SGCZ: variants seen among roughly 807,000 people sequenced by gnomAD.
SGCZ encodes the protein zeta-sarcoglycan.
In SGCZ, 40 loss-of-function variants were observed where a neutral mutation model predicts 41.3. The ratio of observed to expected loss-of-function variants is 0.97; its 90% CI spans 0.75 to 1.26. The LOEUF is 1.26. Ranked by LOEUF, SGCZ falls within the 50% of genes most tolerant of loss-of-function variation. SGCZ has a pLI of 0.00. For synonymous variants in SGCZ, 206 were observed against 137.5 expected (o/e 1.50, Z -3.49); for missense variants, 552 against 369.8 (o/e 1.49, Z -4.04).
chr8:14,915,770 G>A (rs1352586000), intron 1 of SGCZ, among the ~76,000 whole-genome samples: 1 of 152,002 alleles, frequency 6.6e-6, no homozygotes, highest in Non-Finnish European at 1.5e-5. Context: ...TTTTTTGGAG[G>A]TGTCTCTCTG....
intron 1 of SGCZ, among the ~76,000 whole-genome samples, chr8:14,778,896 G>C (rs937861805): frequency 6.6e-6 from 1 of 152,126 alleles, no homozygotes; most frequent in African/African-American, 2.4e-5. Context: ...ATCGCCATTC[G>C]TGAAAACACA....
chr8:14,128,814 AT>A (rs977945774), intron 5 of SGCZ, among the ~76,000 whole-genome samples: 19 of 152,280 alleles, frequency 1.2e-4, no homozygotes, highest in African/African-American at 4.1e-4. Flanking sequence ...ACTGAAGGTG[AT>A]CATCATAAAT....
At chr8:14,278,625 C>T (rs542168171) in intron 3 of SGCZ, among the ~76,000 whole-genome samples, 26 of 152,224 alleles carry the variant, frequency 1.7e-4, no homozygotes, top group Non-Finnish European at 3.4e-4. Flanking sequence ...TATATATTCT[C>T]TATATTGCTA....
chr8:15,033,714 C>T (rs944891985), intron 1 of SGCZ, among the ~76,000 whole-genome samples: 7 of 151,996 alleles, frequency 4.6e-5, no homozygotes, highest in Admixed American at 2.0e-4. Context: ...CTGCAGACTC[C>T]AACTTAAGGC....
At chr8:14,389,015 A>C (rs1489223812) in intron 2 of SGCZ, among the ~76,000 whole-genome samples, 4 of 152,004 alleles carry the variant, frequency 2.6e-5, no homozygotes, top group Non-Finnish European at 4.4e-5. Flanking sequence ...TATAAATAAA[A>C]GACACTATGA....
At chr8:14,465,747 C>A (rs543088251) in intron 2 of SGCZ, among the ~76,000 whole-genome samples, 1 of 151,852 alleles carries the variant, frequency 6.6e-6, no homozygotes, top group Admixed American at 6.6e-5. Context: ...ATCAGCTTAA[C>A]TTCAATAACG....
At chr8:14,733,940 G>T (rs1279395844) in intron 1 of SGCZ, among the ~76,000 whole-genome samples, 2 of 152,172 alleles carry the variant, frequency 1.3e-5, no homozygotes, top group Non-Finnish European at 2.9e-5. Flanking sequence ...TCAAAGCAAA[G>T]AATAAACCCA....
At chr8:14,121,541 A>G (rs1802696263) in intron 5 of SGCZ, among the ~76,000 whole-genome samples, 1 of 152,104 alleles carries the variant, frequency 6.6e-6, no homozygotes, top group South Asian at 2.1e-4. Context: ...TTTTTTTGGT[A>G]TTGCCGTTAT....
chr8:14,588,174 C>G (rs187356513), intron 1 of SGCZ, among the ~76,000 whole-genome samples: 1 of 142,000 alleles, frequency 7.0e-6, no homozygotes, highest in East Asian at 2.1e-4. Flanking sequence ...TAAAATTTTT[C>G]AGGAATAGCC....
At chr8:14,181,556 T>C (rs577132486) in intron 4 of SGCZ, among the ~76,000 whole-genome samples, 1 of 152,258 alleles carries the variant, frequency 6.6e-6, no homozygotes, top group South Asian at 2.1e-4. Flanking sequence ...CCCTGAATTG[T>C]AATAATCCCC....
At chr8:14,352,526 G>A (rs1803137814) in intron 2 of SGCZ, among the ~76,000 whole-genome samples, 2 of 152,060 alleles carry the variant, frequency 1.3e-5, no homozygotes, top group African/African-American at 2.4e-5. Flanking sequence ...TCAAATGACA[G>A]CACACTGAAT....
intron 1 of SGCZ, among the ~76,000 whole-genome samples, chr8:14,909,398 A>C (rs1284969200): frequency 6.6e-6 from 1 of 152,088 alleles, no homozygotes; most frequent in African/African-American, 2.4e-5. Context: ...TTCGTGTTTT[A>C]ACGTTACAAC....
intron 1 of SGCZ, among the ~76,000 whole-genome samples, chr8:15,131,803 G>A (rs530938088): frequency 6.6e-6 from 1 of 152,128 alleles, no homozygotes; most frequent in Non-Finnish European, 1.5e-5. Flanking sequence ...ACAGGGAATG[G>A]CTAAAAAAAC....
chr8:14,103,417 G>GACTT (rs1455517973), intron 6 of SGCZ, among the ~76,000 whole-genome samples: 1 of 152,106 alleles, frequency 6.6e-6, no homozygotes, highest in African/African-American at 2.4e-5. Flanking sequence ...CCTACCACAG[G>GACTT]ACTTTAAGAG....
In SGCZ at chr8:14,815,407, T is replaced by C. The variant is rs193038376; in HGVS notation, c.40-260481A>G. 2.5e-3 allele frequency among the ~76,000 whole-genome samples: 373 copies of C among 151,876 alleles called. 1 individual carries two copies. The highest frequency in any genetic ancestry group is 8.6e-3 in the African/African-American group (356 of 41,416). ...ATTTTTTTTTTTTGCATGTGGTTCA[T>C]AACTACTTACTTCAAAACAAAAGGG... On this transcript the variant is annotated intron_variant, in intron 1 of 7. Transcript: ENST00000382080.
intron 5 of SGCZ, chr8:14,161,255 T>C (rs1161800792): frequency 2.6e-5 from 4 of 152,248 alleles, no homozygotes; most frequent in Non-Finnish European, 5.9e-5. Flanking sequence ...CATGAAATTC[T>C]AAATTATATT....
At chr8:15,005,276 G>A (rs1366620730) in intron 1 of SGCZ, among the ~76,000 whole-genome samples, 13 of 151,202 alleles carry the variant, frequency 8.6e-5, no homozygotes, top group South Asian at 6.2e-4. Flanking sequence ...AACCCACATC[G>A]TCTGTTTCCG....
At chr8:14,878,130 A>C (rs1281337290) in intron 1 of SGCZ, among the ~76,000 whole-genome samples, 2 of 151,686 alleles carry the variant, frequency 1.3e-5, no homozygotes, top group Non-Finnish European at 2.9e-5. Flanking sequence ...AACTTTAAGC[A>C]CTTAAGAAGT....
At position 14,185,051 on chromosome 8, in the gene SGCZ, A is replaced by T. The variant is rs550818359; in HGVS notation, c.425-20349T>A. 5.9e-4 allele frequency among the ~76,000 whole-genome samples: 90 copies of T among 152,276 alleles called. 1 individual carries two copies. The highest frequency in any genetic ancestry group is 2.1e-3 in the African/African-American group (87 of 41,568). On this transcript the variant is annotated intron_variant, in intron 4 of 7. Coordinates refer to ENST00000382080, the MANE Select transcript of SGCZ (RefSeq NM_139167.4). ...TTCTTTTCAACCTTTATAATACAGC[A>T]AATGCTTTAGTTATGTATTTGTACT...
Sources: gnomAD v4.1 joint callset for allele counts (sites outside exome capture counted in the v4.1 genomes callset) on GRCh38, gnomAD v4.1.1 for gene constraint, MANE v1.5 for transcripts, NCBI Gene and HGNC (gene_info 2026-07-23, HGNC 2026-07-21) for gene names.